Variants in NRXN1 observed in about 807,000 individuals in gnomAD.
NRXN1 encodes neurexin-1.
In NRXN1, 39 loss-of-function variants were observed where a neutral mutation model predicts 150.9. That is an observed-to-expected ratio of 0.26 (90% confidence interval 0.20 to 0.34). NRXN1 has a LOEUF of 0.34. NRXN1 is among the 10% of genes least tolerant of loss of function. NRXN1 has a pLI of 1.00. For synonymous variants in NRXN1, 924 were observed against 757.0 expected, an observed-to-expected ratio of 1.22 and a Z score of -3.62; for missense variants, 1,815 against 1,949.9, an observed-to-expected ratio of 0.93 and a Z score of 1.30.
intron 5 of NRXN1, among the ~76,000 whole-genome samples, chr2:50,911,071 T>C (rs528839553): frequency 3.7e-4 from 57 of 152,206 alleles, no homozygotes; most frequent in African/African-American, 8.9e-4. Flanking sequence ...TCATGATTTA[T>C]TGCAACAGAT....
rs776858391 is a variant in NRXN1 at position 50,465,334 on chromosome 2, T to C, written c.3364+108A>G. 24 of 1,123,572 alleles carry C rather than the reference T, an allele frequency of 2.1e-5. No homozygotes were observed. The Admixed American group carries it at 3.4e-4, about 16-fold the overall frequency. The allele number at this position is 1,123,572 out of a possible 1,614,324, so 69.6% of individuals were successfully genotyped here. ...CAACTGCTTCTATGGGTTATGACAG[T>C]TCGACTGACTCAGAGTTAATATAAG... On this transcript the variant is annotated intron_variant, in intron 17 of 22. Coordinates refer to ENST00000401669, the MANE Select transcript of NRXN1 (RefSeq NM_001330078.2).
intron 12 of NRXN1, among the ~76,000 whole-genome samples, chr2:50,511,056 C>G (rs1021587681): frequency 5.4e-5 from 8 of 147,040 alleles, no homozygotes; most frequent in Admixed American, 5.4e-4. Flanking sequence ...GTCTAACAAG[C>G]TTTTTTTTTT....
intron 5 of NRXN1, among the ~76,000 whole-genome samples, chr2:50,801,432 A>C (rs749318626): frequency 2.5e-4 from 38 of 152,314 alleles, no homozygotes; most frequent in Non-Finnish European, 2.5e-4. Flanking sequence ...GACTCTGTGA[A>C]TATCTCTTAG....
intron 21 of NRXN1, among the ~76,000 whole-genome samples, chr2:50,003,124 G>A (rs867342849): frequency 2.6e-5 from 4 of 152,132 alleles, no homozygotes; most frequent in South Asian, 4.1e-4. Flanking sequence ...TATGTTCTAA[G>A]GCTTGGTGGA....
intron 21 of NRXN1, among the ~76,000 whole-genome samples, chr2:49,979,564 A>G (rs1447277598): frequency 6.6e-6 from 1 of 152,166 alleles, no homozygotes; most frequent in Non-Finnish European, 1.5e-5. Context: ...CTCTATTTGC[A>G]CTACAGTCAT....
chr2:49,936,483 A>G (rs1671047157), intron 22 of NRXN1, among the ~76,000 whole-genome samples: 1 of 152,162 alleles, frequency 6.6e-6, no homozygotes, highest in Admixed American at 6.5e-5. Flanking sequence ...AGCATTGTGT[A>G]TGAATCCTCT....
intron 17 of NRXN1, among the ~76,000 whole-genome samples, chr2:50,328,411 C>G (rs1335707500): frequency 6.6e-6 from 1 of 151,980 alleles, no homozygotes; most frequent in African/African-American, 2.4e-5. Context: ...CCTCACTCTC[C>G]CTTCTCCAGG....
chr2:50,602,344 G>C (rs1302756633), intron 8 of NRXN1, among the ~76,000 whole-genome samples: 1 of 151,682 alleles, frequency 6.6e-6, no homozygotes, highest in Non-Finnish European at 1.5e-5. Flanking sequence ...AGAAGATTTT[G>C]GCCTCCCTAA....
intron 5 of NRXN1, among the ~76,000 whole-genome samples, chr2:50,676,248 C>G (rs1430587146): frequency 2.6e-5 from 4 of 152,120 alleles, no homozygotes; most frequent in South Asian, 2.1e-4. Context: ...TGAGGCCTCA[C>G]TAGAAGCAGA....
At chr2:50,044,410 A>C (rs1436981306) in intron 21 of NRXN1, among the ~76,000 whole-genome samples, 1 of 152,190 alleles carries the variant, frequency 6.6e-6, no homozygotes, top group Non-Finnish European at 1.5e-5. Flanking sequence ...TTTTAGAAGA[A>C]GCTTTCCGCA....
chr2:50,865,033 T>C (rs1443070264), intron 5 of NRXN1, among the ~76,000 whole-genome samples: 4 of 151,730 alleles, frequency 2.6e-5, no homozygotes. Flanking sequence ...TCTTTAAGAA[T>C]GTATAAGAGG....
At chr2:50,885,431 A>T (rs1478079865) in intron 5 of NRXN1, among the ~76,000 whole-genome samples, 1 of 151,152 alleles carries the variant, frequency 6.6e-6, no homozygotes, top group Non-Finnish European at 1.5e-5. Flanking sequence ...TATTTTAAAC[A>T]TAAATAAAAA....
At chr2:51,029,941 G>C (rs921405269) in intron 1 of NRXN1, among the ~76,000 whole-genome samples, 3 of 152,044 alleles carry the variant, frequency 2.0e-5, no homozygotes, top group African/African-American at 7.2e-5. Context: ...CTCACAATTT[G>C]TGTGGTCAGA....
intron 5 of NRXN1, among the ~76,000 whole-genome samples, chr2:50,911,753 T>A (rs1174744534): frequency 2.0e-5 from 3 of 152,050 alleles, no homozygotes; most frequent in Middle Eastern, 3.4e-3. Flanking sequence ...TAGGTGGGCA[T>A]TACATACAAA....
chr2:50,090,025 C>T (rs1699352270), intron 19 of NRXN1, among the ~76,000 whole-genome samples: 1 of 152,120 alleles, frequency 6.6e-6, no homozygotes, highest in African/African-American at 2.4e-5. Flanking sequence ...TTACTGAATG[C>T]CTACTATTTG....
chr2:50,161,151 A>G (rs992228622), intron 18 of NRXN1, among the ~76,000 whole-genome samples: 6 of 152,160 alleles, frequency 3.9e-5, no homozygotes, highest in African/African-American at 1.4e-4. Context: ...CTTCAATGGT[A>G]CTTTACAGCT....
At chr2:50,783,706 A>G (rs1704668278) in intron 5 of NRXN1, among the ~76,000 whole-genome samples, 1 of 152,138 alleles carries the variant, frequency 6.6e-6, no homozygotes, top group South Asian at 2.1e-4. Context: ...TTGGTAATAT[A>G]CATACTAGTT....
chr2:50,225,579 A>G (rs1225993648), intron 18 of NRXN1, among the ~76,000 whole-genome samples: 3 of 152,000 alleles, frequency 2.0e-5, no homozygotes, highest in Admixed American at 6.6e-5. Context: ...TCACAAATAC[A>G]TAAAATATAT....
At chr2:50,209,537 A>T (rs1054509219) in intron 18 of NRXN1, among the ~76,000 whole-genome samples, 1 of 152,102 alleles carries the variant, frequency 6.6e-6, no homozygotes, top group Admixed American at 6.6e-5. Flanking sequence ...CCAAAATTCA[A>T]GTTTATCAGT....
Sources: gnomAD v4.1 joint callset for allele counts (sites outside exome capture counted in the v4.1 genomes callset) on GRCh38, gnomAD v4.1.1 for gene constraint, MANE v1.5 for transcripts, NCBI Gene and HGNC (gene_info 2026-07-23, HGNC 2026-07-21) for gene names.